The following ITGA9 variants were observed in gnomAD, a reference collection of about 807,000 sequenced individuals.
ITGA9 encodes integrin alpha-9.
ITGA9 carries 56 observed loss-of-function variants against 127.8 expected under a neutral mutation model. The observed-to-expected ratio is 0.44, with a 90% confidence interval of 0.35 to 0.55. The LOEUF is 0.55. Ranked by LOEUF, ITGA9 falls within the 20% of genes least tolerant of loss-of-function variation. The probability of loss-of-function intolerance (pLI) is 0.00; values close to 1 mark genes in which losing one functional copy is unlikely to be tolerated. For synonymous variants in ITGA9, 508 were observed against 514.5 expected (o/e 0.99, Z 0.17); for missense variants, 1,196 against 1,347.1 (o/e 0.89, Z 1.76).
chr3:37,689,170 A>G (rs112315595), intron 18 of ITGA9, among the ~76,000 whole-genome samples: 38 of 152,378 alleles, frequency 2.5e-4, no homozygotes, highest in African/African-American at 9.1e-4. Context: ...CACACAGTCC[A>G]TTAGTTATGT....
intron 27 of ITGA9, chr3:37,818,154 A>G (rs1399512480): frequency 7.3e-6 from 1 of 136,600 alleles, no homozygotes; most frequent in Non-Finnish European, 1.5e-5. Context: ...ATTAATGGTA[A>G]TGGATCCTTT....
At chr3:37,778,014 G>A (rs1696928491) in intron 24 of ITGA9, among the ~76,000 whole-genome samples, 1 of 152,196 alleles carries the variant, frequency 6.6e-6, no homozygotes, top group African/African-American at 2.4e-5. Flanking sequence ...GAATAAGTAA[G>A]CAATTGTGGT....
At chr3:37,513,262 C>T (rs941517038) in intron 8 of ITGA9, among the ~76,000 whole-genome samples, 1 of 152,078 alleles carries the variant, frequency 6.6e-6, no homozygotes, top group Non-Finnish European at 1.5e-5. Flanking sequence ...ATCTATTTAT[C>T]TTCCCCTTGA....
intron 26 of ITGA9, among the ~76,000 whole-genome samples, chr3:37,803,221 G>C (rs1269776300): frequency 1.3e-5 from 2 of 152,212 alleles, no homozygotes; most frequent in Non-Finnish European, 2.9e-5. Flanking sequence ...CAAGAACATA[G>C]TGTGTCCTCT....
chr3:37,627,528 G>A (rs2125634531), intron 15 of ITGA9, among the ~76,000 whole-genome samples: 1 of 152,320 alleles, frequency 6.6e-6, no homozygotes, highest in South Asian at 2.1e-4. Flanking sequence ...CCGCTTACTT[G>A]GAGGCAGTGG....
intron 15 of ITGA9, among the ~76,000 whole-genome samples, chr3:37,617,594 G>C (rs1358628010): frequency 6.6e-6 from 1 of 152,156 alleles, no homozygotes; most frequent in Admixed American, 6.5e-5. Context: ...TCACTTTCAG[G>C]TACACCAATC....
chr3:37,742,523 C>G (rs1696450890), intron 21 of ITGA9, among the ~76,000 whole-genome samples: 1 of 152,176 alleles, frequency 6.6e-6, no homozygotes, highest in South Asian at 2.1e-4. Flanking sequence ...AATGAGAACT[C>G]CATTTCTTTC....
chr3:37,799,577 G>A lies in ITGA9; in HGVS notation c.2890-4246G>A, dbSNP rs1308494817. On this transcript the variant is annotated intron_variant, in intron 26 of 27. Transcript: ENST00000264741. The surrounding 1 kb of genome is among the most constrained non-coding windows in gnomAD (Gnocchi z 4.0). ...TGGGAGCAGCTGGAAAGGCAGGAAG[G>A]AGACCAGAGTATGAAGGCCCTGGTG... 6.6e-6 allele frequency among the ~76,000 whole-genome samples: 1 copy of A among 152,176 alleles called. No homozygotes were observed. The highest frequency in any genetic ancestry group is 2.4e-5 in the African/African-American group (1 of 41,428).
intron 5 of ITGA9, among the ~76,000 whole-genome samples, chr3:37,496,154 G>C (rs1393349947): frequency 6.6e-6 from 1 of 152,146 alleles, no homozygotes; most frequent in African/African-American, 2.4e-5. Flanking sequence ...AGAGAACATA[G>C]ACAGTTGGCA....
At chr3:37,796,922 C>CTT (rs1372603964) in intron 26 of ITGA9, among the ~76,000 whole-genome samples, 1 of 152,066 alleles carries the variant, frequency 6.6e-6, no homozygotes, top group Non-Finnish European at 1.5e-5. Flanking sequence ...TGAGAAGGAC[C>CTT]TAGAACTGGG....
chr3:37,521,267 G>C (rs941826698), intron 11 of ITGA9, among the ~76,000 whole-genome samples: 4 of 152,222 alleles, frequency 2.6e-5, no homozygotes, highest in Admixed American at 2.0e-4. Context: ...GCATTGTGTG[G>C]GTGAACTAGA....
intron 18 of ITGA9, among the ~76,000 whole-genome samples, chr3:37,705,724 G>A (rs1700997217): frequency 6.6e-6 from 1 of 152,200 alleles, no homozygotes; most frequent in South Asian, 2.1e-4. Flanking sequence ...GACTTGGCTG[G>A]AAGTATACAG....
At chr3:37,763,572 G>C (rs1696746407) in intron 23 of ITGA9, among the ~76,000 whole-genome samples, 1 of 152,170 alleles carries the variant, frequency 6.6e-6, no homozygotes, top group African/African-American at 2.4e-5. Flanking sequence ...GCTGGCAGCA[G>C]CAGTTGACAG....
intron 1 of ITGA9, among the ~76,000 whole-genome samples, chr3:37,456,628 G>A (rs937464528): frequency 6.6e-6 from 1 of 152,196 alleles, no homozygotes; most frequent in Non-Finnish European, 1.5e-5. Context: ...CCCTCTCCTG[G>A]GACACATCAA....
At chr3:37,592,368 T>C (rs1014812666) in intron 15 of ITGA9, among the ~76,000 whole-genome samples, 1 of 152,168 alleles carries the variant, frequency 6.6e-6, no homozygotes, top group African/African-American at 2.4e-5. Flanking sequence ...TTGCTTTCCA[T>C]TGCTGCTGCT....
At chr3:37,773,424 G>T (rs1388780580) in intron 23 of ITGA9, among the ~76,000 whole-genome samples, 6 of 152,184 alleles carry the variant, frequency 3.9e-5, no homozygotes, top group Admixed American at 3.9e-4. Context: ...ACAGGCTTTG[G>T]AGTGAAAAAG....
chr3:37,580,676 C>T (rs1699701115), intron 15 of ITGA9, among the ~76,000 whole-genome samples: 1 of 152,156 alleles, frequency 6.6e-6, no homozygotes, highest in Non-Finnish European at 1.5e-5. Flanking sequence ...TTCTTTCTTA[C>T]CTTTTCTCTT....
chr3:37,689,165 A>C (rs942165602), intron 18 of ITGA9, among the ~76,000 whole-genome samples: 4 of 152,252 alleles, frequency 2.6e-5, no homozygotes, highest in Admixed American at 2.6e-4. Context: ...GTCATCACAC[A>C]GTCCATTAGT....
chr3:37,564,147 C>T (rs551000057), intron 15 of ITGA9, among the ~76,000 whole-genome samples: 8 of 152,314 alleles, frequency 5.3e-5, no homozygotes, highest in Non-Finnish European at 1.2e-4. Flanking sequence ...TACTTGACCA[C>T]GGAACACCAT....
Sources: allele counts gnomAD v4.1 joint callset (sites outside exome capture counted in the v4.1 genomes callset), GRCh38; gene constraint gnomAD v4.1.1; non-coding constraint Gnocchi (gnomAD v3.1); transcripts MANE v1.5; gene names NCBI Gene and HGNC (gene_info 2026-07-23, HGNC 2026-07-21).